RAI14: variants seen among roughly 807,000 people sequenced by gnomAD.
The protein encoded by RAI14 is retinoic acid induced 14.
A neutral mutation model predicts 115.4 loss-of-function variants in RAI14; 45 were observed. The ratio of observed to expected loss-of-function variants is 0.39; its 90% confidence interval spans 0.31 to 0.50. The LOEUF is 0.50. RAI14 is among the 20% of genes least tolerant of loss of function. The pLI is 0.85. For missense variants in RAI14, 939 were observed against 1,131.2 expected (o/e 0.83, Z 2.44); for synonymous variants, 371 against 415.4 (o/e 0.89, Z 1.30).
At chr5:34,760,179 GC>G (rs1224537890) in intron 3 of RAI14, among the ~76,000 whole-genome samples, 1 of 152,138 alleles carries the variant, frequency 6.6e-6, no homozygotes, top group Non-Finnish European at 1.5e-5. Context: ...CTCCCGAGTA[GC>G]TGGGACTACA....
At chr5:34,796,837 C>T (rs1201993841) in intron 4 of RAI14, among the ~76,000 whole-genome samples, 2 of 152,120 alleles carry the variant, frequency 1.3e-5, no homozygotes, top group African/African-American at 4.8e-5. Context: ...CACACAAACA[C>T]ACACACACAT....
At chr5:34,728,504 T>A (rs1327061664) in intron 2 of RAI14, 2 of 152,148 alleles carry the variant, frequency 1.3e-5, no homozygotes, top group Non-Finnish European at 2.9e-5. Context: ...CCTGTGCTGT[T>A]CTCGTGATAG....
At chr5:34,679,662 G>C (rs1237119092) in intron 1 of RAI14, among the ~76,000 whole-genome samples, 1 of 152,118 alleles carries the variant, frequency 6.6e-6, no homozygotes, top group Non-Finnish European at 1.5e-5. Context: ...CTTCAGGTAG[G>C]CTTAGCACGT....
rs377501881 is a variant in RAI14 at position 34,744,405 on chromosome 5, G to A, written c.37-13063G>A. ...ATATTTAATACTGAGTTTTCTTTAG[G>A]TGTGGTTCCTGTGTTTAAAAGGCAC... On this transcript the variant is annotated intron_variant, in intron 2 of 17. Coordinates refer to ENST00000265109, the MANE Select transcript of RAI14 (RefSeq NM_015577.3). Among the ~76,000 whole-genome samples, 15 of 152,156 alleles carry A rather than the reference G, an allele frequency of 9.9e-5. No homozygotes were observed. The East Asian group carries it at 1.2e-3, about 12-fold the overall frequency.
chr5:34,696,248 C>A (rs887470779), intron 2 of RAI14, among the ~76,000 whole-genome samples: 5 of 152,252 alleles, frequency 3.3e-5, no homozygotes, highest in East Asian at 3.9e-4. Context: ...CTGCCGTTCT[C>A]CTGCCTCAGC....
At chr5:34,665,758 C>A (rs1239805050) in intron 1 of RAI14, among the ~76,000 whole-genome samples, 4 of 152,140 alleles carry the variant, frequency 2.6e-5, no homozygotes, top group Admixed American at 2.6e-4. Flanking sequence ...CCCACAATGA[C>A]CACCTCTCAA....
At position 34,754,019 on chromosome 5, in the gene RAI14, T is replaced by C. The variant is rs561656894; in HGVS notation, c.37-3449T>C. On this transcript the variant is annotated intron_variant, in intron 2 of 17. Coordinates refer to ENST00000265109, the MANE Select transcript of RAI14 (RefSeq NM_015577.3). The stretch of plus-strand genomic sequence containing the variant: ...TCGCTTGAACCCAGGAGGCAGAGGT[T>C]GCAGTGAGCCAAGATCGTGCCACTG... Among the ~76,000 whole-genome samples, 3 of 151,754 alleles carry C rather than the reference T, an allele frequency of 2.0e-5. No homozygotes were observed. In the East Asian group the frequency reaches 5.8e-4, roughly 29 times the overall value.
chr5:34,686,807 G>A, intron 1 of RAI14, 65 bp from the exon 2 acceptor site: 3 of 1,071,992 alleles, frequency 2.8e-6, no homozygotes, highest in Non-Finnish European at 4.1e-6. Context: ...GACCCAAGTT[G>A]TAATCCAATC....
chr5:34,685,367 A>G (rs1412068756), intron 1 of RAI14, among the ~76,000 whole-genome samples: 1 of 152,240 alleles, frequency 6.6e-6, no homozygotes, highest in African/African-American at 2.4e-5. Flanking sequence ...ATGGAAAACC[A>G]AATACCGTAT....
intron 5 of RAI14, 126 bp from the exon 6 acceptor site, chr5:34,807,674 G>A: frequency 1.3e-6 from 1 of 755,334 alleles, no homozygotes; most frequent in Non-Finnish European, 2.3e-6. Context: ...GAACACAGCA[G>A]CTGGGGCTTA....
Position 34,665,178 on chromosome 5 carries a change from C to CATATATATAT in RAI14, c.-49+8704_-49+8713dup, listed in dbSNP as rs201354748. Among the ~76,000 whole-genome samples the CATATATATAT allele has an allele frequency of 8.5e-4, 6 of 7,090 alleles. 1 individual carries two copies. The highest frequency in any genetic ancestry group is 1.8e-3 in the African/African-American group (3 of 1,644). The allele number at this position is 7,090 out of a possible 152,430, so 4.7% of individuals were successfully genotyped here. ...GTGTGTGTATATATATATATACACACATATATATATGTATATATATACACA... is the reference window on the plus strand; with the variant it reads ...GTGTGTGTATATATATATATACACACATATATATATATATATATATGTATATATATACACA... On this transcript the variant is annotated intron_variant, in intron 1 of 17. Transcript: ENST00000265109.
chr5:34,730,098 T>G (rs1743985137), intron 2 of RAI14, among the ~76,000 whole-genome samples: 1 of 152,208 alleles, frequency 6.6e-6, no homozygotes, highest in Non-Finnish European at 1.5e-5. Flanking sequence ...CATGAGTTGA[T>G]AATCATTGAA....
Position 34,702,607 on chromosome 5 carries a change from C to T in RAI14, c.36+15652C>T, listed in dbSNP as rs141321707. Among the ~76,000 whole-genome samples the T allele has an allele frequency of 2.0e-3, 309 of 152,354 alleles. 2 individuals carry two copies. The highest frequency in any genetic ancestry group is 7.0e-3 in the African/African-American group (293 of 41,580). On this transcript the variant is annotated intron_variant, in intron 2 of 17. Coordinates refer to ENST00000265109, the MANE Select transcript of RAI14 (RefSeq NM_015577.3). ...CCATTATGGACCCCGTTCACATTAG[C>T]ATCTCACTTCTCTACTACAAACCTG...
intron 1 of RAI14, chr5:34,685,804 C>A (rs1403696498): frequency 1.3e-5 from 2 of 152,132 alleles, no homozygotes; most frequent in South Asian, 4.1e-4. Flanking sequence ...GAACCTTCCT[C>A]CCTGAAAAAT....
chr5:34,796,927 G>A (rs1753610410), intron 4 of RAI14, among the ~76,000 whole-genome samples: 1 of 152,130 alleles, frequency 6.6e-6, no homozygotes, highest in African/African-American at 2.4e-5. Context: ...CCAGTCAACT[G>A]GTATTTTTTT....
intron 2 of RAI14, among the ~76,000 whole-genome samples, chr5:34,733,523 A>G (rs1189560259): frequency 1.3e-5 from 2 of 152,220 alleles, no homozygotes; most frequent in Non-Finnish European, 2.9e-5. Context: ...TTCAACCTCC[A>G]TAAGCTTTCA....
At chr5:34,660,448 G>T (rs1742603787) in intron 1 of RAI14, among the ~76,000 whole-genome samples, 1 of 152,074 alleles carries the variant, frequency 6.6e-6, no homozygotes, top group African/African-American at 2.4e-5. Flanking sequence ...AAGAGAGAAA[G>T]AAAAAGAAAA....
chr5:34,781,581 G>A (rs924410638), intron 3 of RAI14, among the ~76,000 whole-genome samples: 3 of 152,142 alleles, frequency 2.0e-5, no homozygotes, highest in African/African-American at 7.2e-5. Context: ...CTTAAATTTT[G>A]CAGAAGATAA....
At chr5:34,747,870 AG>A (rs1225178317) in intron 2 of RAI14, among the ~76,000 whole-genome samples, 1 of 152,230 alleles carries the variant, frequency 6.6e-6, no homozygotes, top group Non-Finnish European at 1.5e-5. Context: ...GACAGATGCT[AG>A]CCATTGCCCA....
Sources: gnomAD v4.1 joint callset for allele counts (sites outside exome capture counted in the v4.1 genomes callset) on GRCh38, gnomAD v4.1.1 for gene constraint, MANE v1.5 for transcripts, NCBI Gene and HGNC (gene_info 2026-07-23, HGNC 2026-07-21) for gene names.